Variants in NR3C2 observed in about 807,000 individuals in gnomAD.
NR3C2 encodes the protein mineralocorticoid receptor.
NR3C2 carries 15 observed loss-of-function variants against 86.4 expected under a neutral mutation model. That is an observed-to-expected ratio of 0.17 (90% CI 0.12 to 0.27). The LOEUF (loss-of-function observed/expected upper bound fraction) is 0.27, where lower values mean the gene tolerates loss of function less well. Among genes scored for constraint, NR3C2 ranks in the 10% least tolerant of loss-of-function variants. NR3C2 has a pLI of 1.00. For synonymous variants in NR3C2, 458 were observed against 450.5 expected, an observed-to-expected ratio of 1.02 and a Z score of -0.21; for missense variants, 960 against 1,195.6, an observed-to-expected ratio of 0.80 and a Z score of 2.91.
At chr4:148,443,678 G>A (rs1750462921), upstream of NR3C2, among the ~76,000 whole-genome samples, 2 of 152,188 alleles carry the variant, frequency 1.3e-5, no homozygotes, top group South Asian at 2.1e-4. Flanking sequence ...CATCAGTGAC[G>A]TATACACCTA....
intron 2 of NR3C2, among the ~76,000 whole-genome samples, chr4:148,352,470 A>G (rs538320149): frequency 6.6e-6 from 1 of 151,368 alleles, no homozygotes; most frequent in Admixed American, 6.6e-5. Context: ...CATCTTTGAG[A>G]TTCTCTTCAC....
intron 4 of NR3C2, among the ~76,000 whole-genome samples, chr4:148,165,709 G>T (rs903743141): frequency 2.0e-5 from 3 of 152,042 alleles, no homozygotes; most frequent in African/African-American, 7.2e-5. Context: ...GTAAGAAAAA[G>T]AAATGATGAG....
At position 148,166,078 on chromosome 4, in the gene NR3C2, A is replaced by T. The variant is rs72653825; in HGVS notation, c.2015-11177T>A. Among the ~76,000 whole-genome samples the T allele has an allele frequency of 2.2e-3, 334 of 152,364 alleles. 2 individuals carry two copies. The highest frequency in any genetic ancestry group is 7.4e-3 in the African/African-American group (306 of 41,576). On this transcript the variant is annotated intron_variant, in intron 4 of 8. Coordinates refer to ENST00000358102, the MANE Select transcript of NR3C2 (RefSeq NM_000901.5). ...ACTGACATTATCAAAACTAGTCTAA[A>T]TTAAGAATTAATAGTAGCCAATGAT...
rs540147255 is a variant in NR3C2 at position 148,151,122 on chromosome 4, G to A, written c.2510+1347C>T. On this transcript the variant is annotated intron_variant, in intron 6 of 8. Coordinates refer to ENST00000358102, the MANE Select transcript of NR3C2 (RefSeq NM_000901.5). ...TGAATGTAATTAATGCTACTGAGTT[G>A]TATGCTTAAAAATGAAAAATTTTAT... Among the ~76,000 whole-genome samples, 73 of 152,180 alleles carry A rather than the reference G, an allele frequency of 4.8e-4. 1 individual carries two copies. Among genetic ancestry groups the A allele is most frequent in the African/African-American group, 1.7e-3 (69 of 41,528 alleles).
chr4:148,216,162 T>C (rs991032142), intron 3 of NR3C2, among the ~76,000 whole-genome samples: 3 of 152,138 alleles, frequency 2.0e-5, no homozygotes, highest in African/African-American at 7.2e-5. Flanking sequence ...AAAACTTTAT[T>C]TATTAACACT....
intron 6 of NR3C2, among the ~76,000 whole-genome samples, chr4:148,150,332 A>G (rs1734047370): frequency 6.6e-6 from 1 of 152,182 alleles, no homozygotes; most frequent in East Asian, 1.9e-4. Context: ...ATTTCTGTTT[A>G]AAGACATCTT....
chr4:148,111,313 C>T (rs779283332), intron 8 of NR3C2, among the ~76,000 whole-genome samples: 16 of 152,094 alleles, frequency 1.1e-4, no homozygotes, highest in South Asian at 2.1e-4. Context: ...GAAAGTAAAC[C>T]GACTAACCAC....
chr4:148,419,874 T>C (rs1749194532), intron 2 of NR3C2, among the ~76,000 whole-genome samples: 1 of 152,340 alleles, frequency 6.6e-6, no homozygotes, highest in Non-Finnish European at 1.5e-5. Context: ...CTAATGATAA[T>C]GCTTAGAAAA....
intron 2 of NR3C2, among the ~76,000 whole-genome samples, chr4:148,332,565 G>A (rs1744281844): frequency 6.6e-6 from 1 of 152,168 alleles, no homozygotes; most frequent in Admixed American, 6.5e-5. Flanking sequence ...TTTGTGTCAA[G>A]ATGCTCCGTA....
intron 1 of NR3C2, among the ~76,000 whole-genome samples, chr4:148,440,983 G>A (rs72646905): frequency 2.6e-5 from 4 of 152,166 alleles, no homozygotes; most frequent in African/African-American, 9.7e-5. Flanking sequence ...TCTATAGACT[G>A]CATAGTTGTA....
chr4:148,321,450 T>G (rs1351835413), intron 2 of NR3C2, among the ~76,000 whole-genome samples: 4 of 151,210 alleles, frequency 2.6e-5, no homozygotes, highest in South Asian at 2.1e-4. Flanking sequence ...TTTCTGTCTC[T>G]TTGATCCGTC....
chr4:148,375,956 C>T (rs1205712956), intron 2 of NR3C2, among the ~76,000 whole-genome samples: 1 of 152,008 alleles, frequency 6.6e-6, no homozygotes, highest in Non-Finnish European at 1.5e-5. Context: ...TAGGAAGTCA[C>T]CAATACAAAA....
rs559967194 is a variant in NR3C2 at position 148,335,349 on chromosome 4, G to A, written c.1758-75232C>T. Among the ~76,000 whole-genome samples, 13 of 152,238 alleles carry A rather than the reference G, an allele frequency of 8.5e-5. No homozygotes were observed. The East Asian group carries it at 1.2e-3, about 14-fold the overall frequency. On this transcript the variant is annotated intron_variant, in intron 2 of 8. Coordinates refer to ENST00000358102, the MANE Select transcript of NR3C2 (RefSeq NM_000901.5). Reference sequence around the variant, plus strand: ...GTAAACTTACAAAGTAGATGATTGCGAAAGAACTGAAATAAATACTAAACA... The same window carrying A: ...GTAAACTTACAAAGTAGATGATTGCAAAAGAACTGAAATAAATACTAAACA...
chr4:148,081,934 C>A (rs1447852643), intron 8 of NR3C2, among the ~76,000 whole-genome samples: 1 of 152,204 alleles, frequency 6.6e-6, no homozygotes, highest in African/African-American at 2.4e-5. Flanking sequence ...ACCACAGATG[C>A]CCAGGAGGGT....
intron 8 of NR3C2, among the ~76,000 whole-genome samples, chr4:148,102,303 A>T (rs1319146371): frequency 1.3e-5 from 2 of 152,160 alleles, no homozygotes; most frequent in Non-Finnish European, 2.9e-5. Context: ...GACCACTCAC[A>T]TGCTGCCGCC....
chr4:148,190,578 T>C (rs1346742254), intron 4 of NR3C2, among the ~76,000 whole-genome samples: 1 of 152,218 alleles, frequency 6.6e-6, no homozygotes, highest in Admixed American at 6.5e-5. Flanking sequence ...TTAAATCCAT[T>C]GTTTCTTTGT....
chr4:148,380,645 G>C (rs1033378089), intron 2 of NR3C2, among the ~76,000 whole-genome samples: 1 of 152,128 alleles, frequency 6.6e-6, no homozygotes, highest in Non-Finnish European at 1.5e-5. Context: ...TAGTGGGCGC[G>C]AAGTGGTACC....
At chr4:148,394,962 G>C (rs1449144530) in intron 2 of NR3C2, among the ~76,000 whole-genome samples, 1 of 152,102 alleles carries the variant, frequency 6.6e-6, no homozygotes, top group Non-Finnish European at 1.5e-5. Flanking sequence ...AAATTGTTCA[G>C]TTTGCAAGCA....
intron 2 of NR3C2, among the ~76,000 whole-genome samples, chr4:148,350,355 T>C (rs1218970073): frequency 6.6e-6 from 1 of 152,188 alleles, no homozygotes; most frequent in African/African-American, 2.4e-5. Context: ...CTAATGGGAA[T>C]GCTATTCATA....
Sources: gnomAD v4.1 joint callset for allele counts (sites outside exome capture counted in the v4.1 genomes callset) on GRCh38, gnomAD v4.1.1 for gene constraint, MANE v1.5 for transcripts, NCBI Gene and HGNC (gene_info 2026-07-23, HGNC 2026-07-21) for gene names.